Variants in GCKR observed in about 807,000 individuals in gnomAD.
The protein encoded by GCKR is glucokinase regulator.
GCKR carries 73 observed loss-of-function variants against 82.9 expected under a neutral mutation model. That is an observed-to-expected ratio of 0.88 (90% CI 0.73 to 1.07). The LOEUF is 1.07. Among genes scored for constraint, GCKR ranks in the 50% least tolerant of loss-of-function variants. The probability of loss-of-function intolerance (pLI) is 0.00; values close to 1 mark genes in which losing one functional copy is unlikely to be tolerated. For missense variants in GCKR, 784 were observed against 782.1 expected (o/e 1.00, Z -0.03); for synonymous variants, 294 against 291.8 (o/e 1.01, Z -0.08).
Position 27,498,734 on chromosome 2 carries a change from A to G in GCKR, c.365A>G (p.Asn122Ser). ...RMAFLMSVSF[N>S]QLMKGLGQKP... The stretch of plus-strand genomic sequence containing the variant: ...CTCCCTGCTTGACAGGTGTCCTTTA[A>G]TCAGCTGATGAAAGGTCTGGGACAG... The change falls in exon 5 of 19, where the codon AAT becomes AGT. Residue 122 changes from asparagine (N) to serine (S), a missense_variant. Asn to Ser is a conservative substitution (Grantham distance 46). Transcript: ENST00000264717. The G allele has an allele frequency of 2.5e-6, 4 of 1,599,962 alleles. No homozygotes were observed. Among genetic ancestry groups the G allele is most frequent in the Non-Finnish European group, 2.6e-6 (3 of 1,167,166 alleles).
At chr2:27,518,730 A>G in intron 16 of GCKR, 58 bp from the exon 17 acceptor site, 2 of 1,404,970 alleles carry the variant, frequency 1.4e-6, no homozygotes, top group South Asian at 2.3e-5. Context: ...GGCCCTGTTC[A>G]CTCTGCTGCT....
At chr2:27,507,474 G>A (rs777704506) in intron 13 of GCKR, 163 bp downstream of exon 13, 94 of 706,060 alleles carry the variant, frequency 1.3e-4, no homozygotes, top group Non-Finnish European at 2.3e-4. Flanking sequence ...CATGGGCAGT[G>A]TGGAAAGCTC....
chr2:27,515,763 ATATTTT>A (rs1447005076), intron 16 of GCKR, among the ~76,000 whole-genome samples: 9 of 127,076 alleles, frequency 7.1e-5, no homozygotes, highest in Non-Finnish European at 9.8e-5. Context: ...ATATATATAT[ATATTTT>A]TTTTTTTTTT....
chr2:27,504,861 T>A (rs944131450), intron 9 of GCKR, among the ~76,000 whole-genome samples: 16 of 151,036 alleles, frequency 1.1e-4, no homozygotes, highest in Non-Finnish European at 2.2e-4. Context: ...GTGTAGTGGC[T>A]CACGCCTGTA....
In GCKR at chr2:27,514,263, A is replaced by G. The variant is rs8179223; in HGVS notation, c.1423-4525A>G. On this transcript the variant is annotated intron_variant, in intron 16 of 18. Coordinates refer to ENST00000264717, the MANE Select transcript of GCKR (RefSeq NM_001486.4). The stretch of plus-strand genomic sequence containing the variant: ...GATGAATGTGTCTGCGTATATATAT[A>G]TATACACACACATACATCTATATAT... 9.7e-3 allele frequency among the ~76,000 whole-genome samples: 1,477 copies of G among 152,174 alleles called. 27 individuals carry two copies. Among genetic ancestry groups the G allele is most frequent in the African/African-American group, 0.034 (1,410 of 41,478 alleles).
intron 16 of GCKR, among the ~76,000 whole-genome samples, chr2:27,512,419 C>T (rs1162892438): frequency 1.3e-5 from 2 of 151,054 alleles, no homozygotes; most frequent in African/African-American, 4.9e-5. Flanking sequence ...CTCATAGTCC[C>T]AGCTACTCGG....
intron 8 of GCKR, among the ~76,000 whole-genome samples, chr2:27,502,894 C>T (rs715326): frequency 0.42 from 64,488 of 152,090 alleles, 14,363 homozygotes; most frequent in African/African-American, 0.53. Context: ...TAAAGAAGAT[C>T]GTCATTCTTT....
intron 18 of GCKR, among the ~76,000 whole-genome samples, chr2:27,522,912 TTGA>T (rs1276615390): frequency 2.6e-5 from 4 of 151,362 alleles, no homozygotes; most frequent in African/African-American, 9.7e-5. Flanking sequence ...TTTTTTTTTT[TTGA>T]GAGAGAGTCT....
chr2:27,517,819 A>G (rs979403312), intron 16 of GCKR, among the ~76,000 whole-genome samples: 1 of 152,280 alleles, frequency 6.6e-6, no homozygotes, highest in East Asian at 1.9e-4. Context: ...ATGCCTTTAC[A>G]TAGGTTCTCT....
intron 9 of GCKR, among the ~76,000 whole-genome samples, chr2:27,504,248 A>G (rs751805249): frequency 3.3e-5 from 5 of 152,204 alleles, no homozygotes; most frequent in Non-Finnish European, 7.3e-5. Flanking sequence ...GTAGAATTCC[A>G]TATGACATAA....
chr2:27,523,183 G>A, intron 18 of GCKR, 86 bp from the exon 19 acceptor site: 1 of 1,126,458 alleles, frequency 8.9e-7, no homozygotes, highest in South Asian at 1.3e-5. Flanking sequence ...ACAGGCGTGA[G>A]CCACTGCGCC....
chr2:27,507,093 A>G (rs1382933566), intron 12 of GCKR, 142 bp from the exon 13 acceptor site: 16 of 788,490 alleles, frequency 2.0e-5, no homozygotes, highest in South Asian at 2.7e-5. Flanking sequence ...GTGCTTAACT[A>G]TGGCCTCCCA....
At chr2:27,520,878 A>G (rs935059308) in intron 17 of GCKR, among the ~76,000 whole-genome samples, 2 of 151,966 alleles carry the variant, frequency 1.3e-5, no homozygotes, top group Non-Finnish European at 2.9e-5. Flanking sequence ...TCTACTAAAA[A>G]TAAAAAAAAT....
chr2:27,498,713 C>T lies in GCKR; in HGVS notation c.355-11C>T. The T allele has an allele frequency of 6.4e-7, 1 of 1,555,568 alleles. No individual in the cohort carries two copies. Among genetic ancestry groups the T allele is most frequent in the Non-Finnish European group, 8.9e-7 (1 of 1,126,628 alleles). On this transcript the variant is annotated splice_polypyrimidine_tract_variant and intron_variant, in intron 4 of 18. Coordinates refer to ENST00000264717, the MANE Select transcript of GCKR (RefSeq NM_001486.4). The stretch of plus-strand genomic sequence containing the variant: ...GTCATTACCTCTTTACATCCTCTCC[C>T]TGCTTGACAGGTGTCCTTTAATCAG...
intron 10 of GCKR, 87 bp downstream of exon 10, chr2:27,505,923 C>T (rs1344324172): frequency 3.7e-6 from 3 of 812,676 alleles, no homozygotes; most frequent in Admixed American, 1.7e-5. Flanking sequence ...GATCCAAGGA[C>T]TGGGCTGGTG....
intron 13 of GCKR, 78 bp downstream of exon 13, chr2:27,507,389 C>T: frequency 1.1e-6 from 1 of 925,192 alleles, no homozygotes; most frequent in Non-Finnish European, 1.8e-6. Flanking sequence ...GAAGGCGGAG[C>T]TAGGTGGGAA....
chr2:27,509,892 A>G (rs1173582925), intron 16 of GCKR: 1 of 152,226 alleles, frequency 6.6e-6, no homozygotes, highest in Non-Finnish European at 1.5e-5. Context: ...TGCTGTTTTA[A>G]AGTTGCTTTA....
intron 9 of GCKR, among the ~76,000 whole-genome samples, chr2:27,504,793 A>G (rs544966567): frequency 2.0e-4 from 30 of 152,160 alleles, no homozygotes; most frequent in Non-Finnish European, 4.0e-4. Flanking sequence ...AAACTACCAC[A>G]GAAAATGGTG....
intron 17 of GCKR, 80 bp from the exon 18 acceptor site, chr2:27,522,380 T>A: frequency 7.0e-7 from 1 of 1,426,256 alleles, no homozygotes; most frequent in Non-Finnish European, 9.9e-7. Context: ...CTCACTCTCA[T>A]AGTTTATTCT....
Sources: allele counts gnomAD v4.1 joint callset (sites outside exome capture counted in the v4.1 genomes callset), GRCh38; gene constraint gnomAD v4.1.1; transcripts MANE v1.5; gene names NCBI Gene and HGNC (gene_info 2026-07-23, HGNC 2026-07-21).